Variants in PPM1L observed in about 807,000 individuals in gnomAD.
PPM1L encodes protein phosphatase, Mg2+/Mn2+ dependent 1L, also known as protein phosphatase 1L.
A neutral mutation model predicts 31.4 loss-of-function variants in PPM1L; 13 were observed. That is an observed-to-expected ratio of 0.41 (90% CI 0.27 to 0.66). The LOEUF is 0.66. Among genes scored for constraint, PPM1L ranks in the 30% least tolerant of loss-of-function variants. The pLI, the probability that PPM1L is intolerant of heterozygous loss-of-function variation, is 0.29. For synonymous variants in PPM1L, 184 were observed against 175.4 expected, an observed-to-expected ratio of 1.05 and a Z score of -0.39; for missense variants, 326 against 453.7, an observed-to-expected ratio of 0.72 and a Z score of 2.56.
At chr3:160,988,477 C>T (rs1004374904) in intron 2 of PPM1L, among the ~76,000 whole-genome samples, 3 of 152,126 alleles carry the variant, frequency 2.0e-5, no homozygotes, top group Admixed American at 6.5e-5. Flanking sequence ...CAATAATTAA[C>T]AACACTGAGT....
intron 2 of PPM1L, among the ~76,000 whole-genome samples, chr3:161,000,752 G>C (rs1173010889): frequency 2.6e-5 from 4 of 152,078 alleles, no homozygotes; most frequent in Non-Finnish European, 5.9e-5. Context: ...ATTATCATTT[G>C]ATCCTGAGTT....
intron 1 of PPM1L, among the ~76,000 whole-genome samples, chr3:160,814,766 A>G (rs1449158790): frequency 2.0e-5 from 3 of 151,268 alleles, no homozygotes; most frequent in Non-Finnish European, 2.9e-5. Context: ...TGTATATACC[A>G]TATATATACA....
chr3:160,806,671 T>C (rs1208837591), intron 1 of PPM1L, among the ~76,000 whole-genome samples: 1 of 151,992 alleles, frequency 6.6e-6, no homozygotes, highest in African/African-American at 2.4e-5. Flanking sequence ...CTTGAGAGGC[T>C]GAGCGGGGAG....
chr3:160,886,127 C>T (rs903113100), intron 1 of PPM1L, among the ~76,000 whole-genome samples: 1 of 152,232 alleles, frequency 6.6e-6, no homozygotes, highest in African/African-American at 2.4e-5. Context: ...GACCCTGACT[C>T]ATATTTCCTT....
At chr3:160,969,570 C>T (rs189687854) in intron 2 of PPM1L, among the ~76,000 whole-genome samples, 1 of 152,184 alleles carries the variant, frequency 6.6e-6, no homozygotes, top group African/African-American at 2.4e-5. Flanking sequence ...AAGTTCTTCA[C>T]TCCAACAAAT....
Position 160,917,809 on chromosome 3 carries a change from G to A in PPM1L, c.400-43927G>A, listed in dbSNP as rs533364738. Among the ~76,000 whole-genome samples the A allele has an allele frequency of 1.1e-3, 170 of 152,326 alleles. 2 individuals carry two copies. The South Asian group carries it at 0.034, about 30-fold the overall frequency. ...CCCAGTGGATCTTAAGGGCATCCCT[G>A]TGTCATAGGGTACACCAACAATGTG... On this transcript the variant is annotated intron_variant, in intron 1 of 3. Coordinates refer to ENST00000498165, the MANE Select transcript of PPM1L (RefSeq NM_139245.4).
chr3:160,876,067 C>T (rs772503828), intron 1 of PPM1L, among the ~76,000 whole-genome samples: 27 of 152,166 alleles, frequency 1.8e-4, no homozygotes, highest in Admixed American at 7.9e-4. Context: ...AAGCTTTATG[C>T]GAATCTTGAT....
At chr3:160,808,412 T>TGCGCGCGCGC (rs1320794227) in intron 1 of PPM1L, among the ~76,000 whole-genome samples, 1 of 122,412 alleles carries the variant, frequency 8.2e-6, no homozygotes. Flanking sequence ...TGTGTGTGTG[T>TGCGCGCGCGC]GTGTGTGTGT....
chr3:160,943,413 C>T (rs894715171), intron 1 of PPM1L, among the ~76,000 whole-genome samples: 1 of 152,150 alleles, frequency 6.6e-6, no homozygotes, highest in Non-Finnish European at 1.5e-5. Flanking sequence ...CATTCACTTA[C>T]GTGGAACTCT....
intron 2 of PPM1L, among the ~76,000 whole-genome samples, chr3:160,996,276 A>G (rs1213245309): frequency 6.6e-6 from 1 of 152,204 alleles, no homozygotes; most frequent in African/African-American, 2.4e-5. Context: ...CGATCCAGCA[A>G]TCCCACTACT....
At chr3:160,851,414 T>C (rs867604126) in intron 1 of PPM1L, among the ~76,000 whole-genome samples, 20 of 152,208 alleles carry the variant, frequency 1.3e-4, no homozygotes, top group South Asian at 2.1e-4. Flanking sequence ...GTAATTTAAA[T>C]GCCTGGTTTG....
chr3:160,819,239 C>T (rs1254715507), intron 1 of PPM1L, among the ~76,000 whole-genome samples: 2 of 152,088 alleles, frequency 1.3e-5, no homozygotes, highest in African/African-American at 2.4e-5. Context: ...AAAAATTGCA[C>T]TTTGTAAGAC....
intron 1 of PPM1L, among the ~76,000 whole-genome samples, chr3:160,851,513 T>G (rs748027672): frequency 6.6e-6 from 1 of 152,186 alleles, no homozygotes; most frequent in Non-Finnish European, 1.5e-5. Context: ...TTGAGGTAAA[T>G]TATTCCTTTT....
chr3:160,767,612 A>G (rs767102726), intron 1 of PPM1L, among the ~76,000 whole-genome samples: 11 of 152,162 alleles, frequency 7.2e-5, no homozygotes, highest in Non-Finnish European at 1.0e-4. Flanking sequence ...TGGAGTAGTA[A>G]ACACTTATTT....
At chr3:161,030,062 GTC>G (rs1303383955) in intron 2 of PPM1L, among the ~76,000 whole-genome samples, 2 of 152,150 alleles carry the variant, frequency 1.3e-5, no homozygotes, top group Non-Finnish European at 2.9e-5. Flanking sequence ...CTTCATGCCT[GTC>G]TCAGACAAAA....
chr3:160,841,631 G>A (rs769802858), intron 1 of PPM1L, among the ~76,000 whole-genome samples: 4 of 152,146 alleles, frequency 2.6e-5, no homozygotes, highest in African/African-American at 9.7e-5. Flanking sequence ...ACTGCAGGGT[G>A]CAGCACAGTC....
chr3:161,056,072 A>C (rs1482584169), intron 2 of PPM1L, among the ~76,000 whole-genome samples: 1 of 152,166 alleles, frequency 6.6e-6, no homozygotes, highest in African/African-American at 2.4e-5. Flanking sequence ...TCCAATTTTT[A>C]AATCATACCT....
At chr3:160,953,080 A>G (rs1410224935) in intron 1 of PPM1L, among the ~76,000 whole-genome samples, 4 of 152,200 alleles carry the variant, frequency 2.6e-5, no homozygotes, top group Non-Finnish European at 5.9e-5. Flanking sequence ...CTTAAGATGC[A>G]TGTCTGAGGT....
chr3:160,801,128 T>TACACACACACAC (rs10575984), intron 1 of PPM1L, among the ~76,000 whole-genome samples: 1 of 145,590 alleles, frequency 6.9e-6, no homozygotes, highest in Non-Finnish European at 1.5e-5. Context: ...TGTTTAGTGA[T>TACACACACACAC]ACACACACAC....
Sources: gnomAD v4.1 joint callset for allele counts (sites outside exome capture counted in the v4.1 genomes callset) on GRCh38, gnomAD v4.1.1 for gene constraint, MANE v1.5 for transcripts, NCBI Gene and HGNC (gene_info 2026-07-23, HGNC 2026-07-21) for gene names.